The following DAB1 variants were observed in gnomAD, a reference collection of about 807,000 sequenced individuals.
DAB1 encodes disabled homolog 1.
A neutral mutation model predicts 64.6 loss-of-function variants in DAB1; 15 were observed. The ratio of observed to expected loss-of-function variants is 0.23; its 90% CI spans 0.16 to 0.36. DAB1 has a LOEUF of 0.36. Ranked by LOEUF, DAB1 falls within the 10% of genes least tolerant of loss-of-function variation. The pLI, the probability that DAB1 is intolerant of heterozygous loss-of-function variation, is 1.00. For synonymous variants in DAB1, 235 were observed against 251.9 expected (o/e 0.93, Z 0.64); for missense variants, 596 against 706.7 (o/e 0.84, Z 1.78).
chr1:57,462,684 A>G (rs1461392742), intron 7 of DAB1, among the ~76,000 whole-genome samples: 5 of 152,196 alleles, frequency 3.3e-5, no homozygotes, highest in Non-Finnish European at 1.5e-5. Flanking sequence ...AGAAGTTAAC[A>G]TGCACATGGA....
intron 5 of DAB1, among the ~76,000 whole-genome samples, chr1:58,140,244 C>T (rs1031377866): frequency 6.6e-6 from 1 of 152,120 alleles, no homozygotes; most frequent in African/African-American, 2.4e-5. Context: ...CTAGCTTCAC[C>T]ATGTGGTATG....
chr1:58,049,536 T>C (rs992693174), intron 5 of DAB1, among the ~76,000 whole-genome samples: 1 of 152,148 alleles, frequency 6.6e-6, no homozygotes, highest in Non-Finnish European at 1.5e-5. Context: ...GTATATGACA[T>C]AGGTTGTGAC....
chr1:58,023,631 C>T (rs1225884401), intron 5 of DAB1, among the ~76,000 whole-genome samples: 1 of 152,142 alleles, frequency 6.6e-6, no homozygotes, highest in East Asian at 1.9e-4. Flanking sequence ...AATGAATGAA[C>T]TAGGAAGGAT....
chr1:57,516,991 T>C (rs897342551), intron 7 of DAB1, among the ~76,000 whole-genome samples: 1 of 152,262 alleles, frequency 6.6e-6, no homozygotes, highest in African/African-American at 2.4e-5. Flanking sequence ...TAGTCAAAGG[T>C]TGAGGATGTG....
chr1:58,482,282 A>G (rs933306560), intron 3 of DAB1, among the ~76,000 whole-genome samples: 2 of 152,200 alleles, frequency 1.3e-5, no homozygotes, highest in Non-Finnish European at 2.9e-5. Flanking sequence ...ATGTAGCAAC[A>G]TAAGCATGTT....
chr1:57,112,002 A>G (rs186294298), intron 4 of DAB1, among the ~76,000 whole-genome samples: 10 of 152,322 alleles, frequency 6.6e-5, no homozygotes. Flanking sequence ...ATGTCTGCCA[A>G]ATAAGAATAA....
At chr1:57,344,775 T>G (rs964880977) in intron 1 of DAB1, among the ~76,000 whole-genome samples, 18 of 152,136 alleles carry the variant, frequency 1.2e-4, no homozygotes, top group Admixed American at 1.2e-3. Flanking sequence ...GTGGGCTTGA[T>G]TCCCAGCTGC....
chr1:58,298,466 T>C (rs934199682), intron 4 of DAB1, among the ~76,000 whole-genome samples: 1 of 152,226 alleles, frequency 6.6e-6, no homozygotes, highest in African/African-American at 2.4e-5. Context: ...AAACAAATTA[T>C]CAACACTATA....
intron 2 of DAB1, among the ~76,000 whole-genome samples, chr1:58,519,007 G>A (rs2062833): frequency 0.95 from 144,563 of 152,238 alleles, 69,088 homozygotes; most frequent in East Asian, 1. Flanking sequence ...TTGGCAGTAT[G>A]GTTCCAGAGT....
chr1:57,618,715 C>G (rs1645819379), intron 7 of DAB1, among the ~76,000 whole-genome samples: 1 of 149,470 alleles, frequency 6.7e-6, no homozygotes, highest in South Asian at 2.2e-4. Flanking sequence ...AGAATATTAA[C>G]AGCTATTACA....
chr1:57,014,194 C>A (rs1646351794), intron 12 of DAB1, among the ~76,000 whole-genome samples: 1 of 152,168 alleles, frequency 6.6e-6, no homozygotes, highest in Non-Finnish European at 1.5e-5. Context: ...AAGTGCTTTG[C>A]CAAAAGGCAC....
chr1:57,693,147 C>T (rs1272056388), intron 6 of DAB1, among the ~76,000 whole-genome samples: 1 of 152,146 alleles, frequency 6.6e-6, no homozygotes, highest in Non-Finnish European at 1.5e-5. Context: ...CTGGCCCTTT[C>T]ACTGGCCTAA....
chr1:57,358,121 T>G (rs755592973), intron 1 of DAB1, among the ~76,000 whole-genome samples: 1 of 152,114 alleles, frequency 6.6e-6, no homozygotes, highest in Non-Finnish European at 1.5e-5. Flanking sequence ...TCTTCCTTTT[T>G]ACTTTGAATG....
chr1:57,067,545 A>G (rs928947890), intron 8 of DAB1, among the ~76,000 whole-genome samples: 30 of 152,146 alleles, frequency 2.0e-4, no homozygotes, highest in African/African-American at 7.2e-4. Flanking sequence ...GCTCACCATC[A>G]GCGCATGTGC....
chr1:58,445,055 G>T (rs1645050418), intron 3 of DAB1, among the ~76,000 whole-genome samples: 1 of 152,152 alleles, frequency 6.6e-6, no homozygotes, highest in Admixed American at 6.5e-5. Context: ...AACCATCCCA[G>T]GTTCCCTGGG....
At chr1:58,166,286 C>G (rs1655827112) in intron 4 of DAB1, among the ~76,000 whole-genome samples, 1 of 152,120 alleles carries the variant, frequency 6.6e-6, no homozygotes, top group Admixed American at 6.5e-5. Flanking sequence ...ATCGCCACCC[C>G]AAAAAGATGC....
chr1:58,419,401 A>C (rs562028550), intron 3 of DAB1, among the ~76,000 whole-genome samples: 1 of 152,338 alleles, frequency 6.6e-6, no homozygotes, highest in African/African-American at 2.4e-5. Context: ...AACTGTAAGG[A>C]GATATGAAAA....
At chr1:57,679,197 C>T (rs1318909012) in intron 6 of DAB1, among the ~76,000 whole-genome samples, 10 of 152,112 alleles carry the variant, frequency 6.6e-5, no homozygotes, top group Admixed American at 5.9e-4. Flanking sequence ...GAATGAGACC[C>T]CATAGCCCAT....
intron 3 of DAB1, among the ~76,000 whole-genome samples, chr1:58,370,002 C>T (rs1644249833): frequency 6.6e-6 from 1 of 152,132 alleles, no homozygotes; most frequent in African/African-American, 2.4e-5. Context: ...CACTTGGCAG[C>T]AACTAGTAAA....
Sources: allele counts gnomAD v4.1 joint callset (sites outside exome capture counted in the v4.1 genomes callset), GRCh38; gene constraint gnomAD v4.1.1; transcripts MANE v1.5; gene names NCBI Gene and HGNC (gene_info 2026-07-23, HGNC 2026-07-21).